The following ZNF277 variants were observed in gnomAD, a reference collection of about 807,000 sequenced individuals.
The protein encoded by ZNF277 is nuclear receptor-interacting factor 4.
Under a neutral mutation model 60.7 loss-of-function variants are expected in ZNF277, and 55 were observed. That is an observed-to-expected ratio of 0.91 (90% confidence interval 0.73 to 1.13). The LOEUF is 1.13. Ranked by LOEUF, ZNF277 falls within the 50% of genes most tolerant of loss-of-function variation. The pLI is 0.00. For synonymous variants in ZNF277, 178 were observed against 179.3 expected, an observed-to-expected ratio of 0.99 and a Z score of 0.06; for missense variants, 510 against 523.0, an observed-to-expected ratio of 0.98 and a Z score of 0.24.
intron 1 of ZNF277, among the ~76,000 whole-genome samples, chr7:112,237,993 G>A (rs1790846573): frequency 6.6e-6 from 1 of 152,174 alleles, no homozygotes; most frequent in African/African-American, 2.4e-5. Flanking sequence ...CTGCAGAGGA[G>A]GCTGAGGAAG....
chr7:112,248,555 A>T (rs969318456), intron 1 of ZNF277, among the ~76,000 whole-genome samples: 2 of 152,174 alleles, frequency 1.3e-5, no homozygotes, highest in South Asian at 2.1e-4. Context: ...ACTAGAAAGT[A>T]TAAAGGAAAA....
chr7:112,297,053 G>A (rs1367481945), intron 4 of ZNF277, among the ~76,000 whole-genome samples: 3 of 147,466 alleles, frequency 2.0e-5, no homozygotes, highest in Admixed American at 6.8e-5. Context: ...TCAGCCTCCC[G>A]AGTAGCTGGG....
chr7:112,298,426 C>T (rs561177720), intron 4 of ZNF277, among the ~76,000 whole-genome samples: 11 of 152,114 alleles, frequency 7.2e-5, no homozygotes, highest in Middle Eastern at 3.4e-3. Flanking sequence ...TCAGGAAAAT[C>T]GAGTAAAAGT....
At chr7:112,299,667 A>G (rs529233405) in intron 4 of ZNF277, among the ~76,000 whole-genome samples, 1 of 152,332 alleles carries the variant, frequency 6.6e-6, no homozygotes, top group South Asian at 2.1e-4. Flanking sequence ...TAAAACATGT[A>G]ATTTAAACCA....
chr7:112,231,653 A>G (rs528432924), intron 1 of ZNF277, among the ~76,000 whole-genome samples: 1 of 151,142 alleles, frequency 6.6e-6, no homozygotes, highest in Non-Finnish European at 1.5e-5. Flanking sequence ...TAGATACTCC[A>G]TTGCCTATGA....
At chr7:112,291,051 A>G (rs938365442) in intron 2 of ZNF277, among the ~76,000 whole-genome samples, 5 of 152,208 alleles carry the variant, frequency 3.3e-5, no homozygotes, top group Admixed American at 6.5e-5. Flanking sequence ...ATAATTTTTT[A>G]TGAAACAAAA....
chr7:112,309,161 G>A (rs942989607), intron 4 of ZNF277, among the ~76,000 whole-genome samples: 1 of 151,944 alleles, frequency 6.6e-6, no homozygotes, highest in African/African-American at 2.4e-5. Flanking sequence ...GGGGTGGCAT[G>A]TTCTGAACCC....
At chr7:112,243,935 A>G (rs1791020528) in intron 1 of ZNF277, among the ~76,000 whole-genome samples, 1 of 152,102 alleles carries the variant, frequency 6.6e-6, no homozygotes, top group African/African-American at 2.4e-5. Flanking sequence ...TAAAGAAAAT[A>G]TAGTGTTATA....
chr7:112,339,399 A>G (rs1313091146), intron 9 of ZNF277, among the ~76,000 whole-genome samples: 1 of 152,168 alleles, frequency 6.6e-6, no homozygotes, highest in African/African-American at 2.4e-5. Context: ...GCTCACTGCA[A>G]CCTCTGCCTG....
chr7:112,289,723 T>G (rs1009675146), intron 2 of ZNF277, among the ~76,000 whole-genome samples: 1 of 152,158 alleles, frequency 6.6e-6, no homozygotes, highest in African/African-American at 2.4e-5. Context: ...CTTCTATTAG[T>G]CAGCTTTTCT....
At chr7:112,296,922 T>TTA (rs1563219764) in intron 4 of ZNF277, among the ~76,000 whole-genome samples, 1 of 72,562 alleles carries the variant, frequency 1.4e-5, no homozygotes, top group Non-Finnish European at 3.0e-5. Flanking sequence ...ATTTTTTTTT[T>TTA]TTTTTTTTTT....
At chr7:112,231,558 G>T (rs1822331059) in intron 1 of ZNF277, among the ~76,000 whole-genome samples, 1 of 151,448 alleles carries the variant, frequency 6.6e-6, no homozygotes, top group African/African-American at 2.4e-5. Flanking sequence ...TGGTCCAAAT[G>T]CTGGGTTGCA....
chr7:112,278,608 G>A (rs1439645655), intron 1 of ZNF277, among the ~76,000 whole-genome samples: 1 of 152,070 alleles, frequency 6.6e-6, no homozygotes, highest in African/African-American at 2.4e-5. Context: ...TGGATATTTT[G>A]ATTAATTCAT....
chr7:112,336,342 C>A (rs1305282119), intron 8 of ZNF277, among the ~76,000 whole-genome samples, 171 bp downstream of exon 8: 1 of 152,180 alleles, frequency 6.6e-6, no homozygotes, highest in Non-Finnish European at 1.5e-5. Context: ...ATAACTTTGA[C>A]ATAAAAATTC....
intron 2 of ZNF277, chr7:112,287,328 T>C: frequency 2.2e-6 from 1 of 450,568 alleles, no homozygotes; most frequent in South Asian, 3.1e-5. Flanking sequence ...TGAGTTATGG[T>C]TATACCATTG....
chr7:112,259,411 G>A (rs62473131), intron 1 of ZNF277, among the ~76,000 whole-genome samples: 53 of 152,118 alleles, frequency 3.5e-4, no homozygotes, highest in African/African-American at 5.8e-4. Context: ...TAAAAATTAC[G>A]TAGTAGTAGA....
chr7:112,252,330 C>T (rs1440207268), intron 1 of ZNF277, among the ~76,000 whole-genome samples: 5 of 152,074 alleles, frequency 3.3e-5, no homozygotes, highest in African/African-American at 1.2e-4. Context: ...GAATAAAGTG[C>T]CTTTGTCACC....
At chr7:112,215,747 TC>T (rs1821862298) in intron 1 of ZNF277, among the ~76,000 whole-genome samples, 2 of 152,212 alleles carry the variant, frequency 1.3e-5, no homozygotes, top group African/African-American at 4.8e-5. Flanking sequence ...GAAAGAACTC[TC>T]CCCTCCCTGC....
chr7:112,330,866 G>A (rs1793213468), intron 7 of ZNF277, among the ~76,000 whole-genome samples: 2 of 152,108 alleles, frequency 1.3e-5, no homozygotes, highest in Non-Finnish European at 2.9e-5. Context: ...TTATAGGAGT[G>A]AGCCACCACA....
Sources: allele counts gnomAD v4.1 joint callset (sites outside exome capture counted in the v4.1 genomes callset), GRCh38; gene constraint gnomAD v4.1.1; transcripts MANE v1.5; gene names NCBI Gene and HGNC (gene_info 2026-07-23, HGNC 2026-07-21).